Variants in ACSM3 observed in about 807,000 individuals in gnomAD.
ACSM3 encodes the protein acyl-CoA synthetase medium chain family member 3.
In ACSM3, 61 loss-of-function variants were observed where a neutral mutation model predicts 74.1. The observed-to-expected ratio is 0.82, with a 90% confidence interval of 0.67 to 1.02. The LOEUF (loss-of-function observed/expected upper bound fraction) is 1.02, where lower values mean the gene tolerates loss of function less well. Ranked by LOEUF, ACSM3 falls within the 50% of genes least tolerant of loss-of-function variation. ACSM3 has a pLI of 0.00. For missense variants in ACSM3, 660 were observed against 697.0 expected, an observed-to-expected ratio of 0.95 and a Z score of 0.60; for synonymous variants, 213 against 241.5, an observed-to-expected ratio of 0.88 and a Z score of 1.09.
chr16:20,741,816 G>T, intron 1 of ACSM3: 1 of 1,542,204 alleles, frequency 6.5e-7, no homozygotes. Context: ...GGCGCGAACT[G>T]GTGACGTCGG....
In ACSM3 at chr16:20,696,001, T is replaced by C. The variant is rs572373416; in HGVS notation, c.-190+21179T>C. Among the ~76,000 whole-genome samples, 5 of 152,342 alleles carry C rather than the reference T, an allele frequency of 3.3e-5. No homozygotes were observed. The East Asian group carries it at 7.7e-4, about 24-fold the overall frequency. On this transcript the variant is annotated intron_variant, in intron 1 of 3. Coordinates refer to the ACSM3 transcript ENST00000561584. ...TGGCCCATACAATTATAATGACATATTTCTACTGTACCTTTTCTATGTTTC... is the reference window on the plus strand; with the variant it reads ...TGGCCCATACAATTATAATGACATACTTCTACTGTACCTTTTCTATGTTTC...
chr16:20,741,455 C>T (rs960072496), intron 1 of ACSM3: 2 of 1,474,010 alleles, frequency 1.4e-6, no homozygotes, highest in South Asian at 2.8e-5. Flanking sequence ...TCCACCCTTC[C>T]CTCCTCCCGC....
chr16:20,769,159 T>A (rs1007208721), intron 1 of ACSM3, among the ~76,000 whole-genome samples: 1 of 152,214 alleles, frequency 6.6e-6, no homozygotes, highest in African/African-American at 2.4e-5. Context: ...GAGAGTAATA[T>A]ATATTGCATT....
At chr16:20,751,986 A>T (rs1445277332) in intron 2 of ACSM3, among the ~76,000 whole-genome samples, 2 of 152,208 alleles carry the variant, frequency 1.3e-5, no homozygotes, top group Non-Finnish European at 2.9e-5. Flanking sequence ...ACATTAAAAA[A>T]AATGGATATA....
chr16:20,717,956 G>GGAAGAAGAAGAAGAAGAAGAAGAA lies in ACSM3; in HGVS notation c.-189-31905_-189-31882dup, dbSNP rs746227909. On this transcript the variant is annotated intron_variant, in intron 1 of 3. Coordinates refer to the ACSM3 transcript ENST00000561584. ...GAGAAGGAGAAGAGGAAGAGGAAGAGGAAGAAGAAGAAGAAGAAGAAGAAG... is the reference window on the plus strand; with the variant it reads ...GAGAAGGAGAAGAGGAAGAGGAAGAGGAAGAAGAAGAAGAAGAAGAAGAAGAAGAAGAAGAAGAAGAAGAAGAAG... Among the ~76,000 whole-genome samples the GGAAGAAGAAGAAGAAGAAGAAGAA allele has an allele frequency of 2.4e-4, 18 of 74,452 alleles. 1 individual carries two copies. Among genetic ancestry groups the GGAAGAAGAAGAAGAAGAAGAAGAA allele is most frequent in the East Asian group, 1.6e-3 (4 of 2,452 alleles). The allele number at this position is 74,452 out of a possible 152,430, so 48.8% of individuals were successfully genotyped here. A position where few individuals can be genotyped will look rare whatever the true frequency, so the allele number is the denominator to read the frequency against.
chr16:20,739,222 C>G, intron 1 of ACSM3: 1 of 808,288 alleles, frequency 1.2e-6, no homozygotes, highest in Middle Eastern at 3.7e-4. Context: ...GCCTCCCAGG[C>G]TGGAGTGCAG....
chr16:20,758,108 T>A (rs2080046594), intron 3 of ACSM3, among the ~76,000 whole-genome samples: 4 of 152,220 alleles, frequency 2.6e-5, no homozygotes, highest in Admixed American at 1.3e-4. Context: ...TTTTTGGTTG[T>A]GTCTCTGCCC....
chr16:20,677,221 G>T (rs962846536), intron 1 of ACSM3, among the ~76,000 whole-genome samples: 1 of 118,136 alleles, frequency 8.5e-6, no homozygotes, highest in Non-Finnish European at 1.8e-5. Flanking sequence ...GACTTTTAAA[G>T]AAATTAAAAA....
At position 20,797,282 on chromosome 16, in the gene ACSM3, C is replaced by T; in HGVS notation, c.*310C>T. 9.6e-7 allele frequency: 1 copy of T among 1,043,742 alleles called. No individual in the cohort carries two copies. The highest frequency in any genetic ancestry group is 1.1e-6 in the Non-Finnish European group (1 of 870,644). The allele number at this position is 1,043,742 out of a possible 1,614,324, so 64.7% of individuals were successfully genotyped here. ...GATCTCTGCTACATAGGTTTTCAAACTTTAGTTGACTAATTCTTCTGATAT... is the reference window on the plus strand; with the variant it reads ...GATCTCTGCTACATAGGTTTTCAAATTTTAGTTGACTAATTCTTCTGATAT... On this transcript the variant is annotated 3_prime_UTR_variant, in exon 14 of 14. Coordinates refer to ENST00000289416, the MANE Select transcript of ACSM3 (RefSeq NM_005622.4).
chr16:20,695,732 G>A (rs1254838815), intron 1 of ACSM3, among the ~76,000 whole-genome samples: 2 of 151,856 alleles, frequency 1.3e-5, no homozygotes, highest in Non-Finnish European at 2.9e-5. Flanking sequence ...ATCTCCAAGT[G>A]TTGAGGACTG....
intron 1 of ACSM3, chr16:20,690,885 A>G: frequency 2.0e-6 from 2 of 1,019,118 alleles, no homozygotes; most frequent in Non-Finnish European, 2.8e-6. Context: ...CACAACACTG[A>G]TAAGTTGAGG....
At chr16:20,699,232 G>C (rs2079705992) in intron 1 of ACSM3, among the ~76,000 whole-genome samples, 1 of 152,192 alleles carries the variant, frequency 6.6e-6, no homozygotes, top group Admixed American at 6.5e-5. Context: ...AGGGTTGATA[G>C]TGATATTGCA....
chr16:20,786,304 A>G, intron 9 of ACSM3, 146 bp downstream of exon 9: 1 of 1,379,988 alleles, frequency 7.2e-7, no homozygotes, highest in South Asian at 1.6e-5. Flanking sequence ...ATATGTGAAA[A>G]TGATTAGAAA....
chr16:20,772,534 G>T (rs992185073), intron 2 of ACSM3, among the ~76,000 whole-genome samples: 1 of 152,074 alleles, frequency 6.6e-6, no homozygotes, highest in Non-Finnish European at 1.5e-5. Context: ...GTTGATTTTT[G>T]TATATGGTGA....
intron 4 of ACSM3, among the ~76,000 whole-genome samples, chr16:20,778,693 C>G (rs1193287849): frequency 6.6e-6 from 1 of 152,150 alleles, no homozygotes; most frequent in African/African-American, 2.4e-5. Context: ...GTACAACAAC[C>G]CTTCCTCAGG....
intron 1 of ACSM3, among the ~76,000 whole-genome samples, chr16:20,745,767 T>C (rs1039548476): frequency 6.6e-6 from 1 of 152,206 alleles, no homozygotes; most frequent in Admixed American, 6.5e-5. Flanking sequence ...ATTCCCTTTC[T>C]GTTTCTCTTC....
At chr16:20,733,176 T>C (rs971056940) in intron 1 of ACSM3, among the ~76,000 whole-genome samples, 1 of 152,148 alleles carries the variant, frequency 6.6e-6, no homozygotes, top group African/African-American at 2.4e-5. Flanking sequence ...ATTGTTTCAA[T>C]AACCAAACTG....
intron 1 of ACSM3, among the ~76,000 whole-genome samples, chr16:20,705,421 A>G (rs564699324): frequency 2.0e-5 from 3 of 152,054 alleles, no homozygotes; most frequent in Admixed American, 1.3e-4. Flanking sequence ...ATTAGGCAAC[A>G]TAAAAATAAA....
intron 3 of ACSM3, 26 bp downstream of exon 3, chr16:20,776,075 T>G: frequency 6.2e-7 from 1 of 1,608,652 alleles, no homozygotes; most frequent in Non-Finnish European, 8.5e-7. Context: ...TTTCCGATCA[T>G]ATTTATTACT....
Sources: allele counts gnomAD v4.1 joint callset (sites outside exome capture counted in the v4.1 genomes callset), GRCh38; gene constraint gnomAD v4.1.1; transcripts MANE v1.5; gene names NCBI Gene and HGNC (gene_info 2026-07-23, HGNC 2026-07-21).